Variants in CLTC observed in about 807,000 individuals in gnomAD.
CLTC encodes the protein clathrin heavy chain, also known as clathrin heavy chain 1.
CLTC carries 16 observed loss-of-function variants against 195.8 expected under a neutral mutation model. The ratio of observed to expected loss-of-function variants is 0.08; its 90% CI spans 0.06 to 0.12. The LOEUF (loss-of-function observed/expected upper bound fraction) is 0.12, where lower values mean the gene tolerates loss of function less well. CLTC is among the 10% of genes least tolerant of loss of function. The pLI is 1.00. For missense variants in CLTC, 796 were observed against 2,027.0 expected (o/e 0.39, Z 11.66); for synonymous variants, 667 against 689.4 (o/e 0.97, Z 0.51).
At position 59,620,082 on chromosome 17, in the gene CLTC, C is replaced by T; in HGVS notation, c.-50C>T. On this transcript the variant is annotated 5_prime_UTR_variant, in exon 1 of 32. Transcript: ENST00000269122. The stretch of plus-strand genomic sequence containing the variant: ...CTCCCTTGGAGAGCCCGGGCAGCCA[C>T]TGCCCCGCAGCCCCAGTGACAGGAG... 2 of 1,599,750 alleles carry T rather than the reference C, an allele frequency of 1.3e-6. No individual in the cohort carries two copies. Among genetic ancestry groups the T allele is most frequent in the South Asian group, 1.1e-5 (1 of 90,706 alleles).
intron 1 of CLTC, among the ~76,000 whole-genome samples, chr17:59,642,487 C>T (rs1298330560): frequency 6.6e-6 from 1 of 152,002 alleles, no homozygotes; most frequent in African/African-American, 2.4e-5. Context: ...CTTTATGAGC[C>T]CACTGGAATG....
At chr17:59,673,555 C>T (rs1002818923) in intron 14 of CLTC, 92 bp from the exon 15 acceptor site, 1 of 925,688 alleles carries the variant, frequency 1.1e-6, no homozygotes, top group African/African-American at 1.7e-5. Flanking sequence ...GTGAGCCTCT[C>T]TTGTTAGCGT....
rs372266472 is a variant in CLTC, at chr17:59,620,089, G to A, written c.-43G>A. ...GGAGAGCCCGGGCAGCCACTGCCCC[G>A]CAGCCCCAGTGACAGGAGGAGACCA... On this transcript the variant is annotated 5_prime_UTR_variant, in exon 1 of 32. Transcript: ENST00000269122. The A allele has an allele frequency of 2.5e-6, 4 of 1,606,684 alleles. No homozygotes were observed. In the African/African-American group the frequency reaches 4.0e-5, roughly 16 times the overall value.
intron 1 of CLTC, 99 bp downstream of exon 1, chr17:59,620,272 C>CG (rs1002359919): frequency 3.3e-5 from 39 of 1,187,766 alleles, no homozygotes; most frequent in Admixed American, 1.5e-4. Context: ...GCTGGAGGGG[C>CG]GGGGGGGTTG....
Position 59,696,211 on chromosome 17 carries a change from T to C in CLTC, c.*2359T>C. The C allele has an allele frequency of 4.5e-6, 1 of 220,316 alleles. No homozygotes were observed. The highest frequency in any genetic ancestry group is 9.1e-6 in the Non-Finnish European group (1 of 109,960). The allele number at this position is 220,316 out of a possible 1,614,324, so 13.6% of individuals were successfully genotyped here. A position where few individuals can be genotyped will look rare whatever the true frequency, so the allele number is the denominator to read the frequency against. The stretch of plus-strand genomic sequence containing the variant: ...TTTTGCAGCCAGTAAACATTCTGTT[T>C]AGAAATAGTTGCTATTGTGGCATCA... On this transcript the variant is annotated 3_prime_UTR_variant, in exon 32 of 32. Transcript: ENST00000269122.
In CLTC at chr17:59,683,719, G is replaced by A; in HGVS notation, c.4286G>A (p.Arg1429Gln). 6.2e-7 allele frequency: 1 copy of A among 1,614,092 alleles called. No homozygotes were observed. Among genetic ancestry groups the A allele is most frequent in the Non-Finnish European group, 8.5e-7 (1 of 1,180,008 alleles). The change falls in exon 27 of 32, where the codon CGG becomes CAG. Residue 1429 changes from arginine (R) to glutamine (Q), a missense_variant. This residue lies in a region of CLTC where 102 missense variants were observed against 317.6 expected (regional missense o/e 0.32). Coordinates refer to ENST00000269122, the MANE Select transcript of CLTC (RefSeq NM_004859.4). This position sits in a 1 kb window ranked among gnomAD's most constrained non-coding sequence, Gnocchi z 6.1. ...GATTTGCTGATGGTGCTGTCTCCACGGTTGGATCACACTCGTGCAGTCAAT... is the reference window on the plus strand; with the variant it reads ...GATTTGCTGATGGTGCTGTCTCCACAGTTGGATCACACTCGTGCAGTCAAT... ...LNDLLMVLSP[R>Q]LDHTRAVNYF...
chr17:59,630,262 A>G (rs1367943781), intron 1 of CLTC, among the ~76,000 whole-genome samples: 1 of 152,182 alleles, frequency 6.6e-6, no homozygotes, highest in Non-Finnish European at 1.5e-5. Context: ...TCGGCCTCCC[A>G]AAGTGCTGGG....
chr17:59,675,758 A>G (rs12451587), intron 16 of CLTC, among the ~76,000 whole-genome samples: 2,017 of 152,312 alleles, frequency 0.013, 113 homozygotes, highest in Admixed American at 0.089. Flanking sequence ...TTCCAAGCAA[A>G]TGGCAGTTAC....
intron 8 of CLTC, among the ~76,000 whole-genome samples, chr17:59,661,954 T>C (rs1456896356): frequency 6.6e-6 from 1 of 151,932 alleles, no homozygotes; most frequent in Non-Finnish European, 1.5e-5. Flanking sequence ...AATACAAAAA[T>C]CAGCTGGGCG....
intron 1 of CLTC, among the ~76,000 whole-genome samples, chr17:59,641,911 C>T (rs2032046591): frequency 6.6e-6 from 1 of 151,686 alleles, no homozygotes; most frequent in South Asian, 2.1e-4. Context: ...TGGTATCAAA[C>T]TCCTGGGCTC....
At chr17:59,692,706 G>A (rs1298075680) in intron 31 of CLTC, among the ~76,000 whole-genome samples, 4 of 151,952 alleles carry the variant, frequency 2.6e-5, no homozygotes, top group African/African-American at 7.3e-5. Flanking sequence ...GCGTGATCTC[G>A]GCTCACTGCA....
rs906474259 is a variant in CLTC, at chr17:59,695,899, A to C, written c.*2047A>C. The stretch of plus-strand genomic sequence containing the variant: ...TGTGGAGACCCTGTGGGTTCTGCAG[A>C]GTATACTTTGAAAACTATAAGATTA... On this transcript the variant is annotated 3_prime_UTR_variant, in exon 32 of 32. Transcript: ENST00000269122. The C allele has an allele frequency of 5.0e-6, 1 of 200,112 alleles. No homozygotes were observed. The highest frequency in any genetic ancestry group is 1.7e-3 in the Middle Eastern group (1 of 584). 12.4% of individuals were successfully genotyped at this position (200,112 alleles called of 1,614,324 possible).
intron 15 of CLTC, 134 bp from the exon 16 acceptor site, chr17:59,674,567 T>G (rs2032923636): frequency 2.7e-6 from 2 of 748,226 alleles, no homozygotes; most frequent in Non-Finnish European, 4.2e-6. Flanking sequence ...GACCCTCAGT[T>G]TATTACTGAA....
chr17:59,686,046 TA>T (rs1167990897), intron 30 of CLTC, among the ~76,000 whole-genome samples: 7 of 152,206 alleles, frequency 4.6e-5, no homozygotes, highest in African/African-American at 1.7e-4. Context: ...ATAATCTATG[TA>T]TTTTTTTATT....
In CLTC at chr17:59,677,001, G is replaced by T. The variant is rs748648068; in HGVS notation, c.2609G>T (p.Cys870Phe). The T allele has an allele frequency of 6.2e-7, 1 of 1,614,112 alleles. No individual in the cohort carries two copies. Among genetic ancestry groups the T allele is most frequent in the Non-Finnish European group, 8.5e-7 (1 of 1,180,000 alleles). The change falls in exon 17 of 32, where the codon TGT (cysteine) becomes TTT (phenylalanine). Residue 870 changes from cysteine to phenylalanine, a missense_variant. This residue lies in a region of CLTC where 160 missense variants were observed against 448.2 expected (regional missense o/e 0.36). Transcript: ENST00000269122. ...CTAGAGGCCAGAATTCATGAGGGCT[G>T]TGAGGAGCCTGCTACTCACAATGCC... The part of the protein sequence containing the change: ...PWLEARIHEG[C>F]EEPATHNALA...
intron 14 of CLTC, among the ~76,000 whole-genome samples, chr17:59,670,492 C>T (rs1252530947): frequency 6.6e-6 from 1 of 151,994 alleles, no homozygotes; most frequent in African/African-American, 2.4e-5. Flanking sequence ...CTCTCTGTGT[C>T]CATGTGTTCT....
At chr17:59,622,828 G>A (rs2031424542) in intron 1 of CLTC, among the ~76,000 whole-genome samples, 1 of 152,200 alleles carries the variant, frequency 6.6e-6, no homozygotes, top group African/African-American at 2.4e-5. Flanking sequence ...TTGTGAAACT[G>A]TAAATGAACT....
intron 6 of CLTC, 87 bp from the exon 7 acceptor site, chr17:59,660,304 C>T: frequency 9.0e-7 from 1 of 1,107,870 alleles, no homozygotes; most frequent in Non-Finnish European, 1.3e-6. Context: ...ACCTTTGTGA[C>T]TCAGTATTAA....
rs572641696 is a variant in CLTC at position 59,657,725 on chromosome 17, G to A, written c.969+1698G>A. Among the ~76,000 whole-genome samples the A allele has an allele frequency of 8.2e-5, 12 of 146,234 alleles. No individual in the cohort carries two copies. In the East Asian group the frequency reaches 2.0e-3, roughly 24 times the overall value. ...GGAGGTTTCTATGAGCTGAGATCGC[G>A]CCACTGTACTCTAGCCTGGATGACA... On this transcript the variant is annotated intron_variant, in intron 6 of 31. Coordinates refer to ENST00000269122, the MANE Select transcript of CLTC (RefSeq NM_004859.4).
Sources: gnomAD v4.1 joint callset for allele counts (sites outside exome capture counted in the v4.1 genomes callset) on GRCh38, gnomAD v4.1.1 for gene constraint, gnomAD v4.1.1 regional missense constraint, Gnocchi (gnomAD v3.1) non-coding constraint, MANE v1.5 for transcripts, NCBI Gene and HGNC (gene_info 2026-07-23, HGNC 2026-07-21) for gene names.